TDRD12: variants seen among roughly 807,000 people sequenced by gnomAD.
TDRD12 encodes tudor domain containing 12.
In TDRD12, 158 loss-of-function variants were observed where a neutral mutation model predicts 133.5. The observed-to-expected ratio is 1.18, with a 90% CI of 1.04 to 1.35. TDRD12 has a LOEUF of 1.35. TDRD12 is among the 40% of genes most tolerant of loss of function. The pLI is 0.00. For missense variants in TDRD12, 1,443 were observed against 1,321.3 expected, an observed-to-expected ratio of 1.09 and a Z score of -1.43; for synonymous variants, 460 against 477.9, an observed-to-expected ratio of 0.96 and a Z score of 0.49.
chr19:32,800,182 G>A (rs995290568), exon 17 of TDRD12: 6 of 1,505,382 alleles, frequency 4.0e-6, no homozygotes, highest in South Asian at 1.3e-5. Flanking sequence ...TGCTATATTA[G>A]ATAACTTTAA....
intron 2 of TDRD12, among the ~76,000 whole-genome samples, chr19:32,735,436 G>A (rs1255230193): frequency 6.6e-6 from 1 of 152,184 alleles, no homozygotes; most frequent in East Asian, 1.9e-4. Flanking sequence ...AGCAAGGTTA[G>A]GAAGCTGCAG....
chr19:32,811,811 A>T (rs1266276309), intron 24 of TDRD12, among the ~76,000 whole-genome samples: 1 of 152,184 alleles, frequency 6.6e-6, no homozygotes, highest in Non-Finnish European at 1.5e-5. Context: ...TGAGGCTGCA[A>T]TGATCTATGA....
At chr19:32,757,418 C>T (rs1476539478) in intron 8 of TDRD12, among the ~76,000 whole-genome samples, 1 of 152,116 alleles carries the variant, frequency 6.6e-6, no homozygotes, top group African/African-American at 2.4e-5. Flanking sequence ...CTAGAGTGTA[C>T]ATATGTATTT....
At chr19:32,814,820 C>T (rs1967120861) in intron 25 of TDRD12, among the ~76,000 whole-genome samples, 1 of 152,154 alleles carries the variant, frequency 6.6e-6, no homozygotes, top group Non-Finnish European at 1.5e-5. Context: ...GGTGGACACA[C>T]ATTCCTGGGG....
intron 2 of TDRD12, among the ~76,000 whole-genome samples, chr19:32,732,192 C>T (rs911872731): frequency 7.2e-5 from 11 of 152,014 alleles, no homozygotes; most frequent in South Asian, 6.2e-4. Flanking sequence ...TTAGTAGAGA[C>T]GGGGGTTTCA....
intron 8 of TDRD12, among the ~76,000 whole-genome samples, chr19:32,759,080 A>G (rs183133369): frequency 1.3e-5 from 2 of 152,262 alleles, no homozygotes; most frequent in African/African-American, 4.8e-5. Flanking sequence ...CGTCTCTACT[A>G]AAAATACAAA....
At chr19:32,766,171 C>G (rs895512389) in intron 8 of TDRD12, among the ~76,000 whole-genome samples, 4 of 152,048 alleles carry the variant, frequency 2.6e-5, no homozygotes, top group African/African-American at 9.7e-5. Flanking sequence ...CAATCTCTGT[C>G]TTTTAATTGG....
chr19:32,788,759 C>CTT (rs933742804), intron 11 of TDRD12, among the ~76,000 whole-genome samples: 1 of 152,162 alleles, frequency 6.6e-6, no homozygotes, highest in African/African-American at 2.4e-5. Context: ...GTGAGGGTCT[C>CTT]TGAGTGTGCC....
At chr19:32,771,302 C>G (rs1236747499) in intron 8 of TDRD12, among the ~76,000 whole-genome samples, 1 of 152,210 alleles carries the variant, frequency 6.6e-6, no homozygotes, top group Non-Finnish European at 1.5e-5. Flanking sequence ...TCCCAAGTAG[C>G]TGGGACTACA....
chr19:32,738,757 G>A, intron 2 of TDRD12, 99 bp from the exon 3 acceptor site: 2 of 1,290,122 alleles, frequency 1.6e-6, no homozygotes, highest in South Asian at 3.0e-5. Context: ...AGATTGCAGT[G>A]AGCTGAGATT....
chr19:32,777,052 C>A, intron 10 of TDRD12, 97 bp from the exon 11 acceptor site: 6 of 787,468 alleles, frequency 7.6e-6, no homozygotes, highest in Non-Finnish European at 1.2e-5. Context: ...CCATGCCCGG[C>A]ATTTTTTATT....
At chr19:32,777,091 C>T in intron 10 of TDRD12, 58 bp from the exon 11 acceptor site, 1 of 1,107,874 alleles carries the variant, frequency 9.0e-7, no homozygotes, top group Non-Finnish European at 1.3e-6. Context: ...TGGGGACTCA[C>T]TGTGTTGCCC....
intron 13 of TDRD12, among the ~76,000 whole-genome samples, chr19:32,793,800 T>TTC (rs1971138797): frequency 6.7e-6 from 1 of 149,030 alleles, no homozygotes; most frequent in Non-Finnish European, 1.5e-5. Context: ...AATCTTTTTT[T>TTC]TTTTTTTTTT....
At chr19:32,746,640 T>C (rs1286174587) in intron 4 of TDRD12, among the ~76,000 whole-genome samples, 14 of 124,436 alleles carry the variant, frequency 1.1e-4, no homozygotes, top group African/African-American at 2.2e-4. Flanking sequence ...CTGGCTGATG[T>C]GGTTATTCTG....
intron 1 of TDRD12, 78 bp downstream of exon 1, chr19:32,720,174 C>T: frequency 1.4e-6 from 2 of 1,476,414 alleles, no homozygotes; most frequent in Admixed American, 2.1e-5. Context: ...AGCCTCCCAC[C>T]CCCACCCCAG....
chr19:32,776,784 C>T (rs1346551884), intron 10 of TDRD12, among the ~76,000 whole-genome samples: 1 of 152,230 alleles, frequency 6.6e-6, no homozygotes, highest in African/African-American at 2.4e-5. Context: ...CTCCAGTTCT[C>T]ACAGAAATGT....
intron 7 of TDRD12, 44 bp downstream of exon 7, chr19:32,756,225 TTAA>T (rs1325811620): frequency 7.3e-7 from 1 of 1,367,306 alleles, no homozygotes; most frequent in Non-Finnish European, 9.5e-7. Context: ...CATTGTTTTA[TTAA>T]TAATCTTAGT....
At chr19:32,725,372 A>G (rs549360141) in intron 1 of TDRD12, among the ~76,000 whole-genome samples, 3 of 151,802 alleles carry the variant, frequency 2.0e-5, no homozygotes, top group African/African-American at 4.8e-5. Flanking sequence ...TCTTTAATCT[A>G]TATTGAGTTA....
chr19:32,826,260 A>G, downstream of TDRD12: 1 of 1,467,916 alleles, frequency 6.8e-7, no homozygotes, highest in Non-Finnish European at 9.0e-7. Flanking sequence ...CCCACAAATA[A>G]AATGGTTCCA....
Sources: gnomAD v4.1 joint callset for allele counts (sites outside exome capture counted in the v4.1 genomes callset) on GRCh38, gnomAD v4.1.1 for gene constraint, MANE v1.5 for transcripts, NCBI Gene and HGNC (gene_info 2026-07-23, HGNC 2026-07-21) for gene names.